SFPQ: variants seen among roughly 807,000 people sequenced by gnomAD.
SFPQ encodes splicing factor proline and glutamine rich.
A neutral mutation model predicts 72.9 loss-of-function variants in SFPQ; 11 were observed. The observed-to-expected ratio is 0.15, with a 90% CI of 0.09 to 0.25. The LOEUF is 0.25. SFPQ is among the 10% of genes least tolerant of loss of function. The pLI, the probability that SFPQ is intolerant of heterozygous loss-of-function variation, is 1.00. For missense variants in SFPQ, 847 were observed against 993.3 expected (o/e 0.85, Z 1.98); for synonymous variants, 506 against 367.3 (o/e 1.38, Z -4.32).
downstream of SFPQ, chr1:35,182,190 T>C (rs1321217439): frequency 1.0e-6 from 1 of 985,308 alleles, no homozygotes; most frequent in Admixed American, 6.1e-5. Context: ...CATTCAAAGT[T>C]CACCCTCTGT....
chr1:35,182,473 G>C (rs1639510406), downstream of SFPQ: 6 of 976,850 alleles, frequency 6.1e-6, no homozygotes, highest in Non-Finnish European at 7.2e-6. Flanking sequence ...CCATGTACCT[G>C]TCAGTCATAC....
In SFPQ at chr1:35,189,041, G is replaced by A. The variant is rs1189315683; in HGVS notation, c.1659C>T (p.His553=). The change falls in exon 6 of 10, where the codon CAC becomes CAT. Residue 553 remains histidine (H), a synonymous_variant. Coordinates refer to ENST00000357214, the MANE Select transcript of SFPQ (RefSeq NM_005066.3). ...CTTTACGTTTCTGCATTTCTTGATT[G>A]TGAAGTTCTTCCATGCGTCTTAATT... ...QEELRRMEEL[H]NQEMQKRKEM... is the part of the protein sequence containing the mutation. 4 of 1,612,634 alleles carry A rather than the reference G, an allele frequency of 2.5e-6. No individual in the cohort carries two copies. In the East Asian group the frequency reaches 6.7e-5, roughly 27 times the overall value.
chr1:35,188,473 A>G (rs983616002), intron 6 of SFPQ, among the ~76,000 whole-genome samples: 1 of 152,138 alleles, frequency 6.6e-6, no homozygotes, highest in Admixed American at 6.5e-5. Flanking sequence ...CAGGAGTTTG[A>G]CACCAGCCTA....
Position 35,189,198 on chromosome 1 carries a change from G to T in SFPQ, c.1600C>A (p.Leu534Ile). The change falls in exon 5 of 10, where the codon CTT becomes ATT. Residue 534 changes from leucine (L) to isoleucine (I), a missense_variant. Physicochemically the swap from Leu to Ile is conservative, Grantham distance 5. Transcript: ENST00000357214. ...CAGGTCTTTTTACCTTGGCGCAAAA[G>T]ATTTGCCTGATGTTCATGATAGGCA... ...EDAYHEHQAN[L>I]LRQDLMRRQE... is the part of the protein sequence containing the mutation. The T allele has an allele frequency of 1.9e-6, 3 of 1,613,988 alleles. No homozygotes were observed. The highest frequency in any genetic ancestry group is 2.5e-6 in the Non-Finnish European group (3 of 1,179,916).
chr1:35,191,693 A>G (rs187996966), intron 1 of SFPQ, among the ~76,000 whole-genome samples, 164 bp from the exon 2 acceptor site: 1 of 152,234 alleles, frequency 6.6e-6, no homozygotes, highest in Admixed American at 6.5e-5. Flanking sequence ...CTATCTTAAC[A>G]TTGAAAAAGG....
chr1:35,179,371 ATTTC>A (rs1222069197), downstream of SFPQ: 3 of 1,057,296 alleles, frequency 2.8e-6, no homozygotes, highest in Admixed American at 5.4e-5. Context: ...CACCCATTGC[ATTTC>A]TTTCATCTTT....
At position 35,189,361 on chromosome 1, in the gene SFPQ, A is replaced by G. The variant is rs757657974; in HGVS notation, c.1437T>C (p.Arg479=). The G allele has an allele frequency of 2.5e-5, 40 of 1,613,828 alleles. No homozygotes were observed. Among genetic ancestry groups the G allele is most frequent in the Non-Finnish European group, 3.2e-5 (38 of 1,179,970 alleles). Residue 479 remains arginine, a synonymous_variant, in exon 5 of 10, where the codon CGT becomes CGC. Coordinates refer to ENST00000357214, the MANE Select transcript of SFPQ (RefSeq NM_005066.3). ...MYQKERETPP[R]FAQHGTFEYE... ...ACTCAAACGTGCCATGCTGGGCAAA[A>G]CGAGGAGGGGTTTCTCTCTCCCTAA...
intron 2 of SFPQ, 74 bp downstream of exon 2, chr1:35,191,267 C>G (rs1639982903): frequency 8.0e-7 from 1 of 1,250,352 alleles, no homozygotes; most frequent in Non-Finnish European, 1.1e-6. Context: ...AAAAACCAAG[C>G]CTTCAGCGTT....
intron 4 of SFPQ, 65 bp from the exon 5 acceptor site, chr1:35,189,447 A>C: frequency 7.9e-7 from 1 of 1,266,646 alleles, no homozygotes; most frequent in South Asian, 1.4e-5. Context: ...TACTTGCCCT[A>C]GTACTGATCT....
chr1:35,190,091 T>A (rs1404339351), intron 4 of SFPQ, among the ~76,000 whole-genome samples: 3 of 151,792 alleles, frequency 2.0e-5, no homozygotes, highest in Admixed American at 1.3e-4. Context: ...TGAAAGCCCA[T>A]CTCTACTAAA....
At chr1:35,178,133 C>G, downstream of SFPQ, 1 of 1,142,776 alleles carries the variant, frequency 8.8e-7, no homozygotes, top group East Asian at 5.3e-5. Context: ...AGTAAAAATC[C>G]AGAGATAAAG....
chr1:35,187,137 T>A lies in SFPQ; in HGVS notation c.1865-15A>T, dbSNP rs780043878. ...ACCATAGGGATCTAGAAAACAAAAA[T>A]AGTGGTTACAACTCCACCAGGATAC... On this transcript the variant is annotated splice_polypyrimidine_tract_variant and intron_variant, in intron 8 of 9. Coordinates refer to ENST00000357214, the MANE Select transcript of SFPQ (RefSeq NM_005066.3). 3 of 1,613,876 alleles carry A rather than the reference T, an allele frequency of 1.9e-6. No homozygotes were observed. Among genetic ancestry groups the A allele is most frequent in the Non-Finnish European group, 2.5e-6 (3 of 1,179,932 alleles).
At chr1:35,185,357 C>T (rs1037589852) in intron 9 of SFPQ, among the ~76,000 whole-genome samples, 2 of 152,178 alleles carry the variant, frequency 1.3e-5, no homozygotes, top group African/African-American at 4.8e-5. Context: ...TTCATCAGTC[C>T]ATCTTTTCCC....
rs535796843 is a variant in SFPQ, at chr1:35,192,899, G to A, written c.151C>T (p.Pro51Ser). 4 of 1,574,900 alleles carry A rather than the reference G, an allele frequency of 2.5e-6. No homozygotes were observed. Among genetic ancestry groups the A allele is most frequent in the Admixed American group, 1.8e-5 (1 of 56,666 alleles). Reference protein sequence around the residue: ...NQNRGPMGPGPGQSGPKPPIP... With the variant: ...NQNRGPMGPGSGQSGPKPPIP... ...GGAGGCTTAGGGCCGCTCTGGCCCGGGCCAGGACCCATGGGGCCGCGATTC... is the reference window on the plus strand; with the variant it reads ...GGAGGCTTAGGGCCGCTCTGGCCCGAGCCAGGACCCATGGGGCCGCGATTC... Residue 51 changes from proline to serine, a missense_variant, in exon 1 of 10, where the codon CCG becomes TCG. Transcript: ENST00000357214.
intron 5 of SFPQ, chr1:35,177,315 T>G (rs373120550): frequency 6.6e-6 from 1 of 152,212 alleles, no homozygotes; most frequent in Admixed American, 6.5e-5. Context: ...ATCATTTAAC[T>G]TACCTAGAAA....
chr1:35,179,098 C>A (rs1639364220), downstream of SFPQ: 3 of 1,057,374 alleles, frequency 2.8e-6, no homozygotes, highest in Non-Finnish European at 2.3e-6. Flanking sequence ...GCTGACATCA[C>A]TAAAACATTA....
At position 35,188,057 on chromosome 1, in the gene SFPQ, C is replaced by G; in HGVS notation, c.1731G>C (p.Glu577Asp). Residue 577 changes from glutamate (E) to aspartate (D), a missense_variant, in exon 7 of 10, where the codon GAG becomes GAC. Glu to Asp is a conservative substitution (Grantham distance 45). This residue lies in a region of SFPQ where 154 missense variants were observed against 186.0 expected (regional missense o/e 0.83). Transcript: ENST00000357214. ...CCATCTCACGTTGACGAATCATCATCTCTTCCTCTCTTCTACGTCGTTCCT... is the reference window on the plus strand; with the variant it reads ...CCATCTCACGTTGACGAATCATCATGTCTTCCTCTCTTCTACGTCGTTCCT... ...QEEERRRREE[E>D]MMIRQREMEE... is the part of the protein sequence containing the mutation. The G allele has an allele frequency of 6.2e-7, 1 of 1,614,098 alleles. No homozygotes were observed. The highest frequency in any genetic ancestry group is 8.5e-7 in the Non-Finnish European group (1 of 1,179,954).
intron 9 of SFPQ, among the ~76,000 whole-genome samples, chr1:35,186,339 TG>T (rs1340212008): frequency 1.3e-5 from 2 of 152,204 alleles, no homozygotes; most frequent in Non-Finnish European, 2.9e-5. Context: ...TATTCACAGC[TG>T]AAACATGATA....
At chr1:35,187,557 G>A (rs1348859697) in intron 7 of SFPQ, among the ~76,000 whole-genome samples, 1 of 151,904 alleles carries the variant, frequency 6.6e-6, no homozygotes, top group Non-Finnish European at 1.5e-5. Context: ...AAGGCGAAAC[G>A]CCATTTCTAC....
Sources: allele counts gnomAD v4.1 joint callset (sites outside exome capture counted in the v4.1 genomes callset), GRCh38; gene constraint gnomAD v4.1.1; regional missense constraint gnomAD v4.1.1; transcripts MANE v1.5; gene names NCBI Gene and HGNC (gene_info 2026-07-23, HGNC 2026-07-21).